Variants in CTNNA3 observed in about 807,000 individuals in gnomAD.
CTNNA3 encodes catenin alpha-3.
CTNNA3 carries 76 observed loss-of-function variants against 95.7 expected under a neutral mutation model. The observed-to-expected ratio is 0.79, with a 90% confidence interval of 0.66 to 0.96. CTNNA3 has a LOEUF of 0.96. Among genes scored for constraint, CTNNA3 ranks in the 40% least tolerant of loss-of-function variants. The pLI is 0.00. For synonymous variants in CTNNA3, 431 were observed against 374.4 expected (o/e 1.15, Z -1.74); for missense variants, 1,191 against 1,089.8 (o/e 1.09, Z -1.31).
intron 3 of CTNNA3, among the ~76,000 whole-genome samples, chr10:67,594,504 T>G (rs1842878551): frequency 6.6e-6 from 1 of 152,118 alleles, no homozygotes; most frequent in Non-Finnish European, 1.5e-5. Context: ...TTCTGGAAAT[T>G]TATCAGTTTC....
intron 17 of CTNNA3, among the ~76,000 whole-genome samples, chr10:65,947,660 A>C (rs1240965076): frequency 6.6e-6 from 1 of 152,220 alleles, no homozygotes; most frequent in African/African-American, 2.4e-5. Context: ...AAAGCTCCCT[A>C]CCAACCTGTA....
chr10:67,289,457 C>T, intron 5 of CTNNA3, among the ~76,000 whole-genome samples: 1 of 152,228 alleles, frequency 6.6e-6, no homozygotes, highest in East Asian at 1.9e-4. Context: ...AGGGTAATTA[C>T]ATCCAAGGTC....
chr10:66,996,458 C>CAATA (rs1851347282), intron 7 of CTNNA3, among the ~76,000 whole-genome samples: 2 of 151,898 alleles, frequency 1.3e-5, no homozygotes, highest in African/African-American at 4.8e-5. Context: ...CCAGGCTGGG[C>CAATA]AATATGGTGA....
At chr10:67,735,528 G>A (rs183481539) in intron 1 of CTNNA3, among the ~76,000 whole-genome samples, 1 of 151,826 alleles carries the variant, frequency 6.6e-6, no homozygotes, top group African/African-American at 2.4e-5. Context: ...ATATACTAAC[G>A]GCCAATAAGC....
chr10:66,768,985 C>A (rs540197551), intron 8 of CTNNA3, among the ~76,000 whole-genome samples: 10 of 152,182 alleles, frequency 6.6e-5, no homozygotes, highest in Admixed American at 1.3e-4. Flanking sequence ...TGAGTATAAA[C>A]TTCTGTTTTT....
At chr10:66,369,302 T>C (rs1461507028) in intron 12 of CTNNA3, among the ~76,000 whole-genome samples, 4 of 152,164 alleles carry the variant, frequency 2.6e-5, no homozygotes, top group Non-Finnish European at 5.9e-5. Flanking sequence ...TGGAAACCGC[T>C]TTCCAGCTGT....
chr10:67,362,556 T>G (rs1843027157), intron 5 of CTNNA3, among the ~76,000 whole-genome samples: 1 of 152,090 alleles, frequency 6.6e-6, no homozygotes, highest in Non-Finnish European at 1.5e-5. Context: ...AAGAAGATTT[T>G]GCCAAAATCC....
intron 10 of CTNNA3, among the ~76,000 whole-genome samples, chr10:66,606,836 T>C (rs1844140845): frequency 6.6e-6 from 1 of 151,930 alleles, no homozygotes; most frequent in Non-Finnish European, 1.5e-5. Flanking sequence ...AGATCTCAAG[T>C]TAACAACCTA....
At chr10:66,863,331 T>TA (rs1322828611) in intron 7 of CTNNA3, among the ~76,000 whole-genome samples, 2 of 152,082 alleles carry the variant, frequency 1.3e-5, no homozygotes, top group African/African-American at 2.4e-5. Flanking sequence ...ACTTACTATT[T>TA]AAAAAATCAT....
chr10:67,451,981 ATAGT>A (rs1223792487), intron 5 of CTNNA3, among the ~76,000 whole-genome samples: 2 of 145,420 alleles, frequency 1.4e-5, no homozygotes, highest in Non-Finnish European at 3.0e-5. Flanking sequence ...ATGCAAACAC[ATAGT>A]TAGAGTTCCG....
At chr10:66,301,089 T>C (rs775478986) in intron 12 of CTNNA3, among the ~76,000 whole-genome samples, 20 of 152,002 alleles carry the variant, frequency 1.3e-4, no homozygotes, top group Non-Finnish European at 1.9e-4. Flanking sequence ...AAATAAATAA[T>C]TCCTTGAAAG....
intron 9 of CTNNA3, among the ~76,000 whole-genome samples, chr10:66,725,606 C>A (rs1359048447): frequency 6.6e-6 from 1 of 152,108 alleles, no homozygotes; most frequent in Non-Finnish European, 1.5e-5. Context: ...ACTGGTATAA[C>A]AACATTGCCC....
At chr10:66,724,841 G>A (rs575878355) in intron 9 of CTNNA3, among the ~76,000 whole-genome samples, 50 of 152,238 alleles carry the variant, frequency 3.3e-4, no homozygotes, top group African/African-American at 1.2e-3. Flanking sequence ...CAACAAATAT[G>A]TGTATATGTA....
chr10:67,306,096 G>T (rs973459645), intron 5 of CTNNA3, among the ~76,000 whole-genome samples: 4 of 152,108 alleles, frequency 2.6e-5, no homozygotes, highest in African/African-American at 9.7e-5. Context: ...TGAAGAAACA[G>T]ATAAAGCAGG....
intron 11 of CTNNA3, among the ~76,000 whole-genome samples, chr10:66,500,967 G>A (rs960766589): frequency 6.6e-6 from 1 of 152,060 alleles, no homozygotes; most frequent in African/African-American, 2.4e-5. Context: ...ATATTCTACT[G>A]TTAGCATGTG....
chr10:67,253,636 G>T (rs185195206), intron 5 of CTNNA3, among the ~76,000 whole-genome samples: 3 of 152,328 alleles, frequency 2.0e-5, no homozygotes, highest in African/African-American at 7.2e-5. Flanking sequence ...GGATTCAACT[G>T]TTGGGAGTAG....
At chr10:66,321,576 T>C (rs904870499) in intron 12 of CTNNA3, among the ~76,000 whole-genome samples, 1 of 152,052 alleles carries the variant, frequency 6.6e-6, no homozygotes. Context: ...TAAATATAAT[T>C]AGTTGCATAC....
chr10:67,315,306 T>C lies in CTNNA3; in HGVS notation c.580-95436A>G, dbSNP rs145885143. On this transcript the variant is annotated intron_variant, in intron 5 of 17. Transcript: ENST00000433211. ...AAAATATTACCATTGATCATTAAAT[T>C]GGGTGAGTTGGTTATTCAGCAAATT... Among the ~76,000 whole-genome samples, 682 of 152,288 alleles carry C rather than the reference T, an allele frequency of 4.5e-3. 1 individual carries two copies. Among genetic ancestry groups the C allele is most frequent in the Non-Finnish European group, 7.9e-3 (534 of 68,018 alleles).
intron 11 of CTNNA3, among the ~76,000 whole-genome samples, chr10:66,447,508 A>G (rs1455722884): frequency 1.3e-5 from 2 of 150,216 alleles, no homozygotes; most frequent in African/African-American, 2.5e-5. Context: ...CAGAGCCCTC[A>G]GAAATAATGC....
Sources: gnomAD v4.1 joint callset for allele counts (sites outside exome capture counted in the v4.1 genomes callset) on GRCh38, gnomAD v4.1.1 for gene constraint, MANE v1.5 for transcripts, NCBI Gene and HGNC (gene_info 2026-07-23, HGNC 2026-07-21) for gene names.